ZNF804B: variants seen among roughly 807,000 people sequenced by gnomAD.
The protein encoded by ZNF804B is zinc finger 804B.
In ZNF804B, 80 loss-of-function variants were observed where a neutral mutation model predicts 101.4. The ratio of observed to expected loss-of-function variants is 0.79; its 90% CI spans 0.66 to 0.95. The LOEUF (loss-of-function observed/expected upper bound fraction) is 0.95. Among genes scored for constraint, ZNF804B ranks in the 40% least tolerant of loss-of-function variants. The pLI is 0.00. For synonymous variants in ZNF804B, 622 were observed against 558.8 expected, an observed-to-expected ratio of 1.11 and a Z score of -1.59; for missense variants, 1,673 against 1,561.9, an observed-to-expected ratio of 1.07 and a Z score of -1.20.
intron 2 of ZNF804B, among the ~76,000 whole-genome samples, chr7:89,290,342 C>T (rs1298677313): frequency 2.6e-5 from 4 of 152,178 alleles, no homozygotes; most frequent in East Asian, 1.9e-4. Context: ...GAAGGAAAAG[C>T]AAAGGGAACA....
At chr7:88,854,422 T>C (rs146999492) in intron 1 of ZNF804B, among the ~76,000 whole-genome samples, 1,195 of 100,408 alleles carry the variant, frequency 0.012, 87 homozygotes, top group African/African-American at 0.047. Context: ...TTCCTTTCTT[T>C]CTTTCTTTCT....
intron 1 of ZNF804B, among the ~76,000 whole-genome samples, chr7:88,822,380 A>G (rs895130003): frequency 6.6e-6 from 1 of 152,148 alleles, no homozygotes; most frequent in Non-Finnish European, 1.5e-5. Flanking sequence ...CTTAAAGTTT[A>G]TTAATATTAT....
chr7:89,122,762 T>A (rs1214011561), intron 1 of ZNF804B, among the ~76,000 whole-genome samples: 1 of 152,200 alleles, frequency 6.6e-6, no homozygotes, highest in Non-Finnish European at 1.5e-5. Flanking sequence ...CTCTTTACTG[T>A]CAATTCACCA....
At chr7:88,809,451 T>C (rs1052136664) in intron 1 of ZNF804B, among the ~76,000 whole-genome samples, 1 of 152,144 alleles carries the variant, frequency 6.6e-6, no homozygotes, top group Non-Finnish European at 1.5e-5. Flanking sequence ...TCTGAGCTAT[T>C]TGATTTGTCA....
At chr7:88,978,548 T>C (rs1408854463) in intron 1 of ZNF804B, among the ~76,000 whole-genome samples, 1 of 151,896 alleles carries the variant, frequency 6.6e-6, no homozygotes, top group East Asian at 1.9e-4. Context: ...TGGTTTCCAT[T>C]GCCATGTAAT....
intron 1 of ZNF804B, among the ~76,000 whole-genome samples, chr7:88,887,800 C>A (rs533860851): frequency 1.3e-5 from 2 of 150,714 alleles, no homozygotes; most frequent in South Asian, 4.2e-4. Context: ...TATCTTTGTA[C>A]ACTTTCTGCT....
chr7:89,298,088 C>A (rs1316896820), intron 2 of ZNF804B, among the ~76,000 whole-genome samples: 9 of 141,800 alleles, frequency 6.3e-5, no homozygotes, highest in Admixed American at 2.9e-4. Flanking sequence ...GTGAACTACA[C>A]ATATTTAGAG....
chr7:89,046,114 G>C (rs191828987), intron 1 of ZNF804B, among the ~76,000 whole-genome samples: 1 of 152,118 alleles, frequency 6.6e-6, no homozygotes, highest in Non-Finnish European at 1.5e-5. Context: ...TTTACAAGGG[G>C]CTTTTTCCTT....
intron 1 of ZNF804B, among the ~76,000 whole-genome samples, chr7:88,926,749 A>T (rs530744222): frequency 9.2e-4 from 140 of 152,170 alleles, no homozygotes; most frequent in African/African-American, 3.3e-3. Context: ...CTTTCCCCAT[A>T]CCCAACATTG....
At chr7:89,199,625 G>A (rs1431166989) in intron 1 of ZNF804B, among the ~76,000 whole-genome samples, 5 of 151,614 alleles carry the variant, frequency 3.3e-5, no homozygotes, top group South Asian at 2.1e-4. Flanking sequence ...ATGAGAAACC[G>A]AAGCTCTGAT....
At chr7:89,169,566 C>G (rs1193699154) in intron 1 of ZNF804B, among the ~76,000 whole-genome samples, 1 of 152,124 alleles carries the variant, frequency 6.6e-6, no homozygotes, top group East Asian at 1.9e-4. Flanking sequence ...CTAGTCCTGT[C>G]TCTCAATAGG....
chr7:89,023,572 GTTTA>G (rs974819574), intron 1 of ZNF804B, among the ~76,000 whole-genome samples: 1 of 152,002 alleles, frequency 6.6e-6, no homozygotes, highest in South Asian at 2.1e-4. Flanking sequence ...TTTTACTAGA[GTTTA>G]TTTATTTTTT....
At chr7:88,799,283 A>C (rs939758522) in intron 1 of ZNF804B, among the ~76,000 whole-genome samples, 12 of 152,096 alleles carry the variant, frequency 7.9e-5, no homozygotes, top group African/African-American at 2.9e-4. Flanking sequence ...AGATACTTTT[A>C]CATACAGTAA....
chr7:89,152,560 A>T (rs146689599), intron 1 of ZNF804B, among the ~76,000 whole-genome samples: 1 of 152,176 alleles, frequency 6.6e-6, no homozygotes, highest in African/African-American at 2.4e-5. Context: ...ATGTTTGTAC[A>T]TTATTATGAT....
At chr7:88,822,487 TC>T (rs1352853394) in intron 1 of ZNF804B, among the ~76,000 whole-genome samples, 1 of 152,192 alleles carries the variant, frequency 6.6e-6, no homozygotes, top group East Asian at 1.9e-4. Flanking sequence ...ATTACTTCTT[TC>T]AGCTTGGGAA....
intron 1 of ZNF804B, among the ~76,000 whole-genome samples, chr7:89,125,748 G>A (rs183700651): frequency 6.6e-6 from 1 of 152,038 alleles, no homozygotes; most frequent in Non-Finnish European, 1.5e-5. Context: ...GCCTGTCTAT[G>A]CCTCCTTTGT....
chr7:88,803,606 A>C (rs1161076971), intron 1 of ZNF804B, among the ~76,000 whole-genome samples: 1 of 152,174 alleles, frequency 6.6e-6, no homozygotes, highest in Non-Finnish European at 1.5e-5. Flanking sequence ...TGAAGGTTTG[A>C]ATATCAGTTA....
chr7:89,185,169 A>G (rs1342111807), intron 1 of ZNF804B, among the ~76,000 whole-genome samples: 1 of 152,244 alleles, frequency 6.6e-6, no homozygotes, highest in Admixed American at 6.5e-5. Context: ...AGCTTACCAT[A>G]TATGTGAACA....
chr7:88,760,196 C>A, intron 1 of ZNF804B, 112 bp downstream of exon 1: 3 of 829,862 alleles, frequency 3.6e-6, no homozygotes, highest in South Asian at 3.1e-5. Context: ...ACATCTAAAA[C>A]GTATACCTTA....
Sources: gnomAD v4.1 joint callset for allele counts (sites outside exome capture counted in the v4.1 genomes callset) on GRCh38, gnomAD v4.1.1 for gene constraint, MANE v1.5 for transcripts, NCBI Gene and HGNC (gene_info 2026-07-23, HGNC 2026-07-21) for gene names.